SLC26A7: variants seen among roughly 807,000 people sequenced by gnomAD.
SLC26A7 encodes anion exchange transporter.
A neutral mutation model predicts 82.5 loss-of-function variants in SLC26A7; 59 were observed. That is an observed-to-expected ratio of 0.72 (90% CI 0.58 to 0.89). The LOEUF (loss-of-function observed/expected upper bound fraction) is 0.89, where lower values mean the gene tolerates loss of function less well. SLC26A7 is among the 40% of genes least tolerant of loss of function. The pLI is 0.00. For missense variants in SLC26A7, 820 were observed against 793.0 expected (o/e 1.03, Z -0.41); for synonymous variants, 271 against 274.3 (o/e 0.99, Z 0.12).
intron 17 of SLC26A7, 23 bp downstream of exon 17, chr8:91,393,874 C>T (rs542692471): frequency 8.7e-6 from 14 of 1,613,240 alleles, no homozygotes; most frequent in South Asian, 5.5e-5. Flanking sequence ...CCCTGACTAA[C>T]GTTGAATGTG....
intron 9 of SLC26A7, 96 bp downstream of exon 9, chr8:91,343,562 C>T (rs778999780): frequency 2.7e-6 from 2 of 746,258 alleles, no homozygotes; most frequent in Non-Finnish European, 4.2e-6. Context: ...AGCCCTGAAA[C>T]TATTTTCACT....
intron 4 of SLC26A7, among the ~76,000 whole-genome samples, chr8:91,307,938 A>G (rs1812368476): frequency 6.6e-6 from 1 of 152,162 alleles, no homozygotes; most frequent in East Asian, 1.9e-4. Flanking sequence ...GCCTCAAGCC[A>G]TCCTTTCATC....
At chr8:91,380,107 G>GT (rs1381180617) in intron 15 of SLC26A7, among the ~76,000 whole-genome samples, 1 of 152,048 alleles carries the variant, frequency 6.6e-6, no homozygotes, top group Admixed American at 6.5e-5. Context: ...AACTCTATAT[G>GT]TATGATATTG....
At chr8:91,219,740 T>G (rs1810128398) in intron 2 of SLC26A7, among the ~76,000 whole-genome samples, 1 of 152,154 alleles carries the variant, frequency 6.6e-6, no homozygotes, top group Non-Finnish European at 1.5e-5. Context: ...ATTATCTGGC[T>G]CCACTCCAGA....
chr8:91,322,926 C>A (rs1406662080), intron 5 of SLC26A7, among the ~76,000 whole-genome samples: 1 of 152,046 alleles, frequency 6.6e-6, no homozygotes, highest in Non-Finnish European at 1.5e-5. Flanking sequence ...GCAAAGACTG[C>A]AAAGGGGAAC....
chr8:91,278,821 T>C (rs187093381), intron 2 of SLC26A7, among the ~76,000 whole-genome samples: 1 of 152,188 alleles, frequency 6.6e-6, no homozygotes, highest in Non-Finnish European at 1.5e-5. Flanking sequence ...ACTATAGTCA[T>C]CATAGTATAC....
chr8:91,236,765 C>T (rs1159843145), intron 2 of SLC26A7, among the ~76,000 whole-genome samples: 2 of 152,088 alleles, frequency 1.3e-5, no homozygotes, highest in African/African-American at 2.4e-5. Flanking sequence ...AGTTCTGAAA[C>T]TCAACTAATA....
rs1810605012 is a variant in SLC26A7, at chr8:91,249,679, A to G, written c.28A>G (p.Ser10Gly). Residue 10 changes from serine (S) to glycine (G), a missense_variant, in exon 2 of 19, where the codon AGC becomes GGC. Physicochemically the swap from Ser to Gly is moderately conservative, Grantham distance 56 (BLOSUM62 0). Coordinates refer to ENST00000276609, the MANE Select transcript of SLC26A7 (RefSeq NM_052832.4). ...GACAGGAGCAAAGAGGAAAAAGAAA[A>G]GCATGCTTTGGAGCAAGATGCATAC... MTGAKRKKK[S>G]MLWSKMHTPQ... 2 of 1,552,656 alleles carry G rather than the reference A, an allele frequency of 1.3e-6. No individual in the cohort carries two copies. Among genetic ancestry groups the G allele is most frequent in the South Asian group, 1.2e-5 (1 of 80,878 alleles).
intron 12 of SLC26A7, 44 bp from the exon 13 acceptor site, chr8:91,363,428 A>G: frequency 8.1e-7 from 1 of 1,229,012 alleles, no homozygotes; most frequent in Non-Finnish European, 1.2e-6. Context: ...TTATATAATG[A>G]TTAGGAAATG....
chr8:91,295,750 C>T (rs10107822), intron 4 of SLC26A7, 47 bp downstream of exon 4: 1,063,089 of 1,571,024 alleles, frequency 0.68, 362,615 homozygotes, highest in Non-Finnish European at 0.7. Flanking sequence ...CACAGCGGCA[C>T]AGGGAAGGCA....
chr8:91,394,888 C>T (rs1808526834), intron 18 of SLC26A7, 174 bp from the exon 19 acceptor site: 2 of 383,436 alleles, frequency 5.2e-6, no homozygotes, highest in African/African-American at 4.4e-5. Flanking sequence ...GCAGAGTCAG[C>T]AGTTTGAGTT....
intron 2 of SLC26A7, among the ~76,000 whole-genome samples, chr8:91,226,714 T>C (rs1810244720): frequency 1.3e-5 from 2 of 152,232 alleles, no homozygotes; most frequent in Admixed American, 1.3e-4. Flanking sequence ...TAATGATAAG[T>C]ACTTTGGTGA....
chr8:91,336,530 C>T (rs1056447835), intron 6 of SLC26A7, among the ~76,000 whole-genome samples: 2 of 151,998 alleles, frequency 1.3e-5, no homozygotes, highest in East Asian at 1.9e-4. Flanking sequence ...TCCCCCAACC[C>T]TGTTCGTGAA....
rs1036461050 is a variant in SLC26A7, at chr8:91,224,316, T to C, written c.-34+5311T>C. On this transcript the variant is annotated intron_variant, in intron 2 of 5. Transcript: ENST00000522862. ...ATCAATTCTCATCTTCATGAGTTTG[T>C]CTAGTTTCAATCTTTGAGGCTGCTG... Among the ~76,000 whole-genome samples the C allele has an allele frequency of 4.6e-5, 7 of 152,298 alleles. No homozygotes were observed. In the South Asian group the frequency reaches 1.4e-3, roughly 32 times the overall value.
chr8:91,279,941 A>C (rs1461864584), intron 2 of SLC26A7, among the ~76,000 whole-genome samples: 1 of 152,080 alleles, frequency 6.6e-6, no homozygotes, highest in Non-Finnish European at 1.5e-5. Context: ...TGCCCATTTA[A>C]AAAAATCAGG....
chr8:91,246,700 TAA>T (rs1206713399), upstream of SLC26A7, among the ~76,000 whole-genome samples: 5 of 128,992 alleles, frequency 3.9e-5, no homozygotes, highest in Non-Finnish European at 6.7e-5. Context: ...GACTCTGTCT[TAA>T]AAAAAAAAAA....
chr8:91,334,074 G>A (rs1813171308), intron 5 of SLC26A7, among the ~76,000 whole-genome samples: 1 of 152,166 alleles, frequency 6.6e-6, no homozygotes, highest in African/African-American at 2.4e-5. Flanking sequence ...GTAGGAAGGT[G>A]CAAAACCTGA....
intron 2 of SLC26A7, among the ~76,000 whole-genome samples, chr8:91,229,056 C>T (rs900730847): frequency 9.2e-5 from 14 of 152,172 alleles, no homozygotes; most frequent in African/African-American, 3.1e-4. Flanking sequence ...CTGTCCTTAG[C>T]ACAATGACCA....
chr8:91,267,204 A>C (rs761019992), intron 2 of SLC26A7, among the ~76,000 whole-genome samples: 9 of 150,304 alleles, frequency 6.0e-5, no homozygotes, highest in Non-Finnish European at 1.3e-4. Flanking sequence ...CATTCCCCCC[A>C]CCTCTTTTTG....
Sources: gnomAD v4.1 joint callset for allele counts (sites outside exome capture counted in the v4.1 genomes callset) on GRCh38, gnomAD v4.1.1 for gene constraint, MANE v1.5 for transcripts, NCBI Gene and HGNC (gene_info 2026-07-23, HGNC 2026-07-21) for gene names.